The following UBN2 variants were observed in gnomAD, a reference collection of about 807,000 sequenced individuals.
The protein encoded by UBN2 is ubinuclein 2, also known as ubinuclein-2.
Under a neutral mutation model 120.2 loss-of-function variants are expected in UBN2, and 35 were observed. The observed-to-expected ratio is 0.29, with a 90% confidence interval of 0.22 to 0.39. The LOEUF is 0.39. Among genes scored for constraint, UBN2 ranks in the 10% least tolerant of loss-of-function variants. The pLI is 1.00. For synonymous variants in UBN2, 661 were observed against 648.7 expected (o/e 1.02, Z -0.29); for missense variants, 1,693 against 1,663.2 (o/e 1.02, Z -0.31).
Position 139,298,410 on chromosome 7 carries a change from G to C in UBN2, c.*574G>C, listed in dbSNP as rs1396755507. The C allele has an allele frequency of 1.3e-5, 2 of 152,372 alleles. No individual in the cohort carries two copies. Among genetic ancestry groups the C allele is most frequent in the African/African-American group, 4.8e-5 (2 of 41,458 alleles). The allele number at this position is 152,372 out of a possible 1,614,324, so 9.4% of individuals were successfully genotyped here. A position where few individuals can be genotyped will look rare whatever the true frequency, so the allele number is the denominator to read the frequency against. On this transcript the variant is annotated 3_prime_UTR_variant, in exon 18 of 18. Transcript: ENST00000473989. ...TGAACAAACTTGAATCTCCTCCAGTGTGTAGCAACTTCCCTCAATCAGTGG... is the reference window on the plus strand; with the variant it reads ...TGAACAAACTTGAATCTCCTCCAGTCTGTAGCAACTTCCCTCAATCAGTGG...
chr7:139,317,674 CTTTT>C, the UBN2 span, among the ~76,000 whole-genome samples: 1 of 148,196 alleles, frequency 6.7e-6, no homozygotes, highest in Non-Finnish European at 1.5e-5. Flanking sequence ...GTTTTTTTTT[CTTTT>C]TTGAGACAGA....
intron 17 of UBN2, among the ~76,000 whole-genome samples, chr7:139,294,305 A>G (rs916467613): frequency 4.6e-5 from 7 of 152,218 alleles, no homozygotes; most frequent in African/African-American, 1.7e-4. Context: ...TAAATGCCCC[A>G]GTCTTGTGAC....
At position 139,269,097 on chromosome 7, in the gene UBN2, T is replaced by C. The variant is rs1455395178; in HGVS notation, c.1467-297T>C. Among the ~76,000 whole-genome samples, 3 of 152,086 alleles carry C rather than the reference T, an allele frequency of 2.0e-5. No homozygotes were observed. The East Asian group carries it at 5.8e-4, about 29-fold the overall frequency. On this transcript the variant is annotated intron_variant, in intron 7 of 17. Coordinates refer to ENST00000473989, the MANE Select transcript of UBN2 (RefSeq NM_173569.4). ...GGTGGCGGGTGCCTGTAATCCTGGC[T>C]ACCTGGGAGGCTGAGGTAGGAGAAT...
downstream of UBN2, among the ~76,000 whole-genome samples, chr7:139,309,891 A>G (rs759233166): frequency 1.1e-4 from 17 of 152,342 alleles, no homozygotes; most frequent in Non-Finnish European, 2.1e-4. Context: ...TACATGCATT[A>G]GAAAATATAC....
Position 139,297,870 on chromosome 7 carries a change from T to C in UBN2, c.*34T>C. The C allele has an allele frequency of 6.2e-7, 1 of 1,611,700 alleles. No individual in the cohort carries two copies. The highest frequency in any genetic ancestry group is 8.5e-7 in the Non-Finnish European group (1 of 1,177,848). Reference sequence around the variant, plus strand: ...CAAGCAAAGGAGACGAAATGTTTAGTTGACTGATGGAATCTACCTGATGGG... The same window carrying C: ...CAAGCAAAGGAGACGAAATGTTTAGCTGACTGATGGAATCTACCTGATGGG... On this transcript the variant is annotated 3_prime_UTR_variant, in exon 18 of 18. Coordinates refer to ENST00000473989, the MANE Select transcript of UBN2 (RefSeq NM_173569.4).
chr7:139,260,581 C>T (rs898637088), intron 5 of UBN2, among the ~76,000 whole-genome samples: 2 of 152,144 alleles, frequency 1.3e-5, no homozygotes, highest in African/African-American at 2.4e-5. Flanking sequence ...TTTTCTTACT[C>T]TACTTAGCAG....
chr7:139,328,552 T>C, the UBN2 span, among the ~76,000 whole-genome samples: 1 of 152,110 alleles, frequency 6.6e-6, no homozygotes, highest in Non-Finnish European at 1.5e-5. Flanking sequence ...CTCTGAGCAG[T>C]TGCATCCTGG....
In UBN2 at chr7:139,240,465, T is replaced by TA. The variant is rs1554469302; in HGVS notation, c.561+3371dup. 1.2e-3 allele frequency among the ~76,000 whole-genome samples: 180 copies of TA among 145,332 alleles called. 1 individual carries two copies. Among genetic ancestry groups the TA allele is most frequent in the African/African-American group, 3.1e-3 (124 of 39,510 alleles). On this transcript the variant is annotated intron_variant, in intron 2 of 17. Transcript: ENST00000473989. Reference sequence around the variant, plus strand: ...ATATATATATATATATTTTTTTTTTTAAATAATTATTTGGAATCTTTTAAG... The same window carrying TA: ...ATATATATATATATATTTTTTTTTTTAAAATAATTATTTGGAATCTTTTAAG...
chr7:139,270,781 G>A (rs1193629296), intron 8 of UBN2, among the ~76,000 whole-genome samples: 3 of 147,938 alleles, frequency 2.0e-5, no homozygotes, highest in Non-Finnish European at 4.5e-5. Context: ...TTTCACTCCT[G>A]TTGCCCAGGC....
At position 139,306,958 on chromosome 7, in the gene UBN2, T is replaced by G. The variant is rs1365678771; in HGVS notation, c.*9122T>G. 1.3e-5 allele frequency: 2 copies of G among 152,228 alleles called. No individual in the cohort carries two copies. The highest frequency in any genetic ancestry group is 2.4e-5 in the African/African-American group (1 of 41,458). The allele number at this position is 152,228 out of a possible 1,614,324, so 9.4% of individuals were successfully genotyped here. The stretch of plus-strand genomic sequence containing the variant: ...TCCAGACCTATTTGCTATAACTGAT[T>G]GGAAATAATGATTCTGATTTTTAGT... On this transcript the variant is annotated 3_prime_UTR_variant, in exon 18 of 18. Coordinates refer to ENST00000473989, the MANE Select transcript of UBN2 (RefSeq NM_173569.4).
chr7:139,236,826 GTAA>G (rs751601666), intron 1 of UBN2, among the ~76,000 whole-genome samples, 176 bp from the exon 2 acceptor site: 36 of 151,588 alleles, frequency 2.4e-4, no homozygotes, highest in Non-Finnish European at 4.3e-4. Context: ...TAGTCTCTGA[GTAA>G]TAATATAATT....
In UBN2 at chr7:139,299,891, C is replaced by G. The variant is rs1446283866; in HGVS notation, c.*2055C>G. On this transcript the variant is annotated 3_prime_UTR_variant, in exon 18 of 18. Transcript: ENST00000473989. ...ATGGGATTTTCCTTTGGGAAGGTAG[C>G]CTTTGTTTTACTTCTCATACCACAA... 4 of 151,880 alleles carry G rather than the reference C, an allele frequency of 2.6e-5. No homozygotes were observed. Among genetic ancestry groups the G allele is most frequent in the African/African-American group, 9.7e-5 (4 of 41,350 alleles). 9.4% of individuals were successfully genotyped at this position (151,880 alleles called of 1,614,324 possible).
intron 2 of UBN2, among the ~76,000 whole-genome samples, chr7:139,240,127 A>G (rs1796276160): frequency 6.6e-6 from 1 of 152,118 alleles, no homozygotes; most frequent in African/African-American, 2.4e-5. Flanking sequence ...GTGATAAAAT[A>G]TTACTCTTGT....
Position 139,266,349 on chromosome 7 carries a change from A to G in UBN2, c.1412A>G (p.Asp471Gly), listed in dbSNP as rs370238386. 7 of 1,579,038 alleles carry G rather than the reference A, an allele frequency of 4.4e-6. No individual in the cohort carries two copies. Among genetic ancestry groups the G allele is most frequent in the Admixed American group, 3.5e-5 (2 of 57,838 alleles). Residue 471 changes from aspartate (D) to glycine (G), a missense_variant, in exon 7 of 18, where the codon GAT becomes GGT. Asp to Gly is a moderately conservative substitution (Grantham distance 94). This residue lies in a region of UBN2 where 178 missense variants were observed against 204.0 expected (regional missense o/e 0.87). Transcript: ENST00000473989. ...TTTCTTTAGGCTGCCAAACTTTTTG[A>G]TGAAGAAGGAAGGAAAAAATTCTTT... is the stretch of plus-strand genomic sequence containing the variant. ...EDLRVAAKLF[D>G]EEGRKKFFTQ...
At chr7:139,276,173 C>T (rs753206324) in intron 12 of UBN2, 26 bp downstream of exon 12, 9 of 1,607,350 alleles carry the variant, frequency 5.6e-6, no homozygotes, top group East Asian at 4.5e-5. Flanking sequence ...CTCCAGATTG[C>T]TTCATTTATT....
chr7:139,271,574 ACT>A (rs1435184489), intron 8 of UBN2, among the ~76,000 whole-genome samples: 1 of 150,476 alleles, frequency 6.6e-6, no homozygotes, highest in Non-Finnish European at 1.5e-5. Flanking sequence ...TGACAGCGAG[ACT>A]CTGTCTCCAA....
In UBN2 at chr7:139,273,339, GGAT is replaced by G; in HGVS notation, c.1767_1769del (p.Asp589del). 6.2e-7 allele frequency: 1 copy of G among 1,609,726 alleles called. No individual in the cohort carries two copies. The highest frequency in any genetic ancestry group is 8.5e-7 in the Non-Finnish European group (1 of 1,177,656). ...AACGAGAAAAAAATGGATCTGAAGAGGATGATGATGAGAAACCAGGAAAACGTG... is the reference window on the plus strand; with the variant it reads ...AACGAGAAAAAAATGGATCTGAAGAGGATGATGAGAAACCAGGAAAACGTG... On this transcript the variant is annotated inframe_deletion, in exon 10 of 18. Transcript: ENST00000473989.
At chr7:139,263,450 T>C (rs987104354) in intron 6 of UBN2, among the ~76,000 whole-genome samples, 1 of 152,038 alleles carries the variant, frequency 6.6e-6, no homozygotes, top group African/African-American at 2.4e-5. Context: ...GAAATCACAA[T>C]AGTAGGTAAA....
In UBN2 at chr7:139,276,153, T is replaced by TA. The variant is rs1797436288; in HGVS notation, c.2024+9dup. ...AATCATCTTACTTCTGCTCCGTGAG[T>TA]AAATGCAGACTCCAGATTGCTTCAT... On this transcript the variant is annotated splice_region_variant and intron_variant, in intron 12 of 17. Coordinates refer to ENST00000473989, the MANE Select transcript of UBN2 (RefSeq NM_173569.4). The TA allele has an allele frequency of 1.9e-6, 3 of 1,613,188 alleles. No homozygotes were observed. The African/African-American group carries it at 4.0e-5, about 22-fold the overall frequency.
Sources: allele counts gnomAD v4.1 joint callset (sites outside exome capture counted in the v4.1 genomes callset), GRCh38; gene constraint gnomAD v4.1.1; regional missense constraint gnomAD v4.1.1; transcripts MANE v1.5; gene names NCBI Gene and HGNC (gene_info 2026-07-23, HGNC 2026-07-21).